The following OR51B5 variants were observed in gnomAD, a reference collection of about 807,000 sequenced individuals.
OR51B5 encodes olfactory receptor 51B5.
For missense variants in OR51B5, 456 were observed against 374.6 expected, an observed-to-expected ratio of 1.22 and a Z score of -1.79; for synonymous variants, 186 against 144.8, an observed-to-expected ratio of 1.28 and a Z score of -2.04.
intron 1 of OR51B5, among the ~76,000 whole-genome samples, chr11:5,376,264 T>A (rs926344217): frequency 9.2e-5 from 14 of 151,838 alleles, no homozygotes; most frequent in African/African-American, 2.4e-4. Flanking sequence ...TTGAAACCAA[T>A]GAGAACAAAG....
intron 1 of OR51B5, chr11:5,468,803 A>G (rs993032861): frequency 6.6e-6 from 3 of 455,028 alleles, no homozygotes; most frequent in Non-Finnish European, 8.8e-6. Flanking sequence ...AAAGGCAGAG[A>G]TGACAATGAA....
chr11:5,465,477 C>A (rs920090986), intron 1 of OR51B5, among the ~76,000 whole-genome samples: 1 of 151,666 alleles, frequency 6.6e-6, no homozygotes, highest in Non-Finnish European at 1.5e-5. Flanking sequence ...CATATGGAAC[C>A]AAAAAAGAGC....
chr11:5,422,762 C>G (rs111420940), intron 1 of OR51B5: 3 of 1,614,122 alleles, frequency 1.9e-6, no homozygotes, highest in African/African-American at 1.3e-5. Context: ...GGATATGATC[C>G]GCCTGGTCTG....
In OR51B5 at chr11:5,447,225, A is replaced by G. The variant is rs139718852; in HGVS notation, n.84+58344T>C. Among the ~76,000 whole-genome samples the G allele has an allele frequency of 3.6e-3, 549 of 152,324 alleles. 3 individuals carry two copies. Among genetic ancestry groups the G allele is most frequent in the African/African-American group, 0.013 (524 of 41,586 alleles). On this transcript the variant is annotated intron_variant and non_coding_transcript_variant, in intron 1 of 4. Coordinates refer to the OR51B5 transcript ENST00000415970. The stretch of plus-strand genomic sequence containing the variant: ...ACTCCTGACTCTTTTGTGACTCTTT[A>G]TATCACACCTATCCAATCATTACTT...
At chr11:5,360,745 T>C (rs1849271217) in intron 1 of OR51B5, among the ~76,000 whole-genome samples, 1 of 149,644 alleles carries the variant, frequency 6.7e-6, no homozygotes, top group Admixed American at 6.7e-5. Flanking sequence ...CCAACCCAAA[T>C]GTCCAACAAT....
intron 1 of OR51B5, among the ~76,000 whole-genome samples, chr11:5,470,228 G>T (rs1427366787): frequency 6.6e-6 from 1 of 152,134 alleles, no homozygotes; most frequent in East Asian, 1.9e-4. Flanking sequence ...CAATTCCCGT[G>T]TGCAGCCAAG....
chr11:5,401,634 C>A (rs1849968351), intron 1 of OR51B5, among the ~76,000 whole-genome samples: 1 of 152,170 alleles, frequency 6.6e-6, no homozygotes, highest in Non-Finnish European at 1.5e-5. Context: ...TGTATATTTA[C>A]CAATAAAATA....
At position 5,453,849 on chromosome 11, in the gene OR51B5, G is replaced by T. The variant is rs763409134; in HGVS notation, n.84+51720C>A. ...AGGTATTCTGCTGGCCATGAGTTTT[G>T]ACCGCTATGTGGCCATTTGTGACCC... is the stretch of plus-strand genomic sequence containing the variant. On this transcript the variant is annotated intron_variant and non_coding_transcript_variant, in intron 1 of 4. Transcript: ENST00000415970. 3 of 1,614,180 alleles carry T rather than the reference G, an allele frequency of 1.9e-6. No individual in the cohort carries two copies. The East Asian group carries it at 6.7e-5, about 36-fold the overall frequency.
rs1249098454 is a variant in OR51B5 at position 5,429,936 on chromosome 11, CTT to C, written n.84+75631_84+75632del. On this transcript the variant is annotated intron_variant and non_coding_transcript_variant, in intron 1 of 4. Transcript: ENST00000415970. Reference sequence around the variant, plus strand: ...TTTTATTTCATGCTTCAGTTGAGGTCTTTTGGTCAGCTGTTCATTCTCAGAGT... The same window carrying C: ...TTTTATTTCATGCTTCAGTTGAGGTCTTGGTCAGCTGTTCATTCTCAGAGT... 1.3e-4 allele frequency among the ~76,000 whole-genome samples: 20 copies of C among 152,262 alleles called. No homozygotes were observed. The South Asian group carries it at 3.1e-3, about 24-fold the overall frequency.
At chr11:5,360,524 C>T (rs1849266913) in intron 1 of OR51B5, among the ~76,000 whole-genome samples, 2 of 151,608 alleles carry the variant, frequency 1.3e-5, no homozygotes. Context: ...GAAGTAGGAA[C>T]ACTTTTACAC....
intron 1 of OR51B5, among the ~76,000 whole-genome samples, chr11:5,352,726 A>G (rs1849118651): frequency 6.6e-6 from 1 of 151,820 alleles, no homozygotes; most frequent in Non-Finnish European, 1.5e-5. Flanking sequence ...TGATTAGCTT[A>G]TGGCTGGCAC....
intron 1 of OR51B5, among the ~76,000 whole-genome samples, chr11:5,406,403 G>GA (rs1232514659): frequency 6.6e-6 from 1 of 152,064 alleles, no homozygotes; most frequent in East Asian, 1.9e-4. Context: ...AAGAATCCTA[G>GA]AAAATCACAC....
At chr11:5,361,726 T>TC in intron 1 of OR51B5, among the ~76,000 whole-genome samples, 1 of 149,504 alleles carries the variant, frequency 6.7e-6, no homozygotes, top group East Asian at 1.9e-4. Flanking sequence ...ATCCTAGATC[T>TC]CCTTTTTCAT....
upstream of OR51B5, among the ~76,000 whole-genome samples, chr11:5,347,885 C>T (rs1250479315): frequency 6.6e-6 from 1 of 152,086 alleles, no homozygotes; most frequent in Non-Finnish European, 1.5e-5. Flanking sequence ...TCCTACCAGC[C>T]AGGCTCATGT....
At chr11:5,428,815 C>T (rs1009168254) in intron 1 of OR51B5, among the ~76,000 whole-genome samples, 20 of 152,264 alleles carry the variant, frequency 1.3e-4, no homozygotes, top group African/African-American at 4.8e-4. Context: ...TAATCACCTC[C>T]TTGTTCAGAG....
intron 1 of OR51B5, chr11:5,505,291 A>G: frequency 7.7e-7 from 1 of 1,295,818 alleles, no homozygotes; most frequent in Non-Finnish European, 1.0e-6. Flanking sequence ...ACTTCCAAGG[A>G]TGGAAATTTG....
intron 1 of OR51B5, among the ~76,000 whole-genome samples, chr11:5,378,550 A>G (rs985388717): frequency 1.3e-5 from 2 of 152,256 alleles, no homozygotes; most frequent in South Asian, 2.1e-4. Flanking sequence ...GAAAATTTTC[A>G]CAACCTACTC....
intron 1 of OR51B5, among the ~76,000 whole-genome samples, chr11:5,483,778 C>A (rs1851461508): frequency 6.6e-6 from 1 of 152,124 alleles, no homozygotes; most frequent in Admixed American, 6.6e-5. Context: ...TTCCCACCTG[C>A]ACATCACAGA....
intron 1 of OR51B5, among the ~76,000 whole-genome samples, chr11:5,408,940 C>A (rs116478340): frequency 0.01 from 1,547 of 152,110 alleles, 27 homozygotes; most frequent in African/African-American, 0.035. Flanking sequence ...TTTTGTAACA[C>A]CCTCCTAATT....
Sources: allele counts gnomAD v4.1 joint callset (sites outside exome capture counted in the v4.1 genomes callset), GRCh38; gene constraint gnomAD v4.1.1; transcripts MANE v1.5; gene names NCBI Gene and HGNC (gene_info 2026-07-23, HGNC 2026-07-21).